AKR1D1: variants seen among roughly 807,000 people sequenced by gnomAD.
The protein encoded by AKR1D1 is aldo-keto reductase family 1 member D1.
In AKR1D1, 32 loss-of-function variants were observed where a neutral mutation model predicts 42.6. The ratio of observed to expected loss-of-function variants is 0.75; its 90% CI spans 0.57 to 1.01. AKR1D1 has a LOEUF of 1.01. AKR1D1 is among the 50% of genes least tolerant of loss of function. The pLI is 0.00. For missense variants in AKR1D1, 364 were observed against 402.2 expected (o/e 0.91, Z 0.81); for synonymous variants, 123 against 135.5 (o/e 0.91, Z 0.64).
intron 1 of AKR1D1, among the ~76,000 whole-genome samples, chr7:138,086,545 C>A (rs1369210775): frequency 1.3e-5 from 2 of 152,198 alleles, no homozygotes; most frequent in Non-Finnish European, 2.9e-5. Flanking sequence ...CTTATCTTCT[C>A]TATAGTGATG....
At chr7:138,087,225 C>T (rs917863087) in intron 1 of AKR1D1, among the ~76,000 whole-genome samples, 2 of 152,186 alleles carry the variant, frequency 1.3e-5, no homozygotes, top group African/African-American at 2.4e-5. Context: ...CTATTACTCA[C>T]ATGACAGAAG....
chr7:138,104,371 G>A (rs1244479659), intron 4 of AKR1D1, among the ~76,000 whole-genome samples: 1 of 151,966 alleles, frequency 6.6e-6, no homozygotes, highest in Non-Finnish European at 1.5e-5. Flanking sequence ...AAAAATGGGA[G>A]AATGTATCTA....
chr7:138,100,096 A>G (rs1585733479), intron 4 of AKR1D1, among the ~76,000 whole-genome samples: 2 of 30,416 alleles, frequency 6.6e-5, no homozygotes, highest in Admixed American at 3.0e-4. Flanking sequence ...CTCAAAAAAA[A>G]AAAAAAAAAA....
intron 4 of AKR1D1, among the ~76,000 whole-genome samples, chr7:138,099,138 G>A (rs904129890): frequency 2.0e-5 from 3 of 152,128 alleles, no homozygotes; most frequent in Admixed American, 6.6e-5. Context: ...TTCGAGGGGC[G>A]AGGAGGAATG....
chr7:138,113,602 T>A, intron 7 of AKR1D1, 88 bp from the exon 8 acceptor site: 5 of 1,072,602 alleles, frequency 4.7e-6, no homozygotes, highest in Middle Eastern at 2.0e-4. Context: ...GAGATATTCA[T>A]ACATCTTTGG....
chr7:138,082,276 C>T (rs541153779), intron 1 of AKR1D1, among the ~76,000 whole-genome samples: 1 of 152,192 alleles, frequency 6.6e-6, no homozygotes, highest in Non-Finnish European at 1.5e-5. Flanking sequence ...GTGTTTGGTT[C>T]TTTCCTAAAT....
In AKR1D1 at chr7:138,094,615, A is replaced by T. The variant is rs149549661; in HGVS notation, c.378+2731A>T. On this transcript the variant is annotated intron_variant, in intron 3 of 8. Coordinates refer to ENST00000242375, the MANE Select transcript of AKR1D1 (RefSeq NM_005989.4). ...ACTGTAGCCTTGAGATCCTAGGCTC[A>T]AGCAATCCTCCTGCCTCAGCCTCCC... Among the ~76,000 whole-genome samples the T allele has an allele frequency of 2.8e-3, 424 of 152,258 alleles. 2 individuals are homozygous for T. Among genetic ancestry groups the T allele is most frequent in the African/African-American group, 9.8e-3 (406 of 41,552 alleles).
Position 138,106,616 on chromosome 7 carries a change from C to T in AKR1D1, c.588C>T (p.Cys196=). Reference sequence around the variant, plus strand: ...CCAATGCAACCACATAGGTTGAGTGCCATCCGTATTTCACCCAGCCAAAAC... The same window carrying T: ...CCAATGCAACCACATAGGTTGAGTGTCATCCGTATTTCACCCAGCCAAAAC... ...KHKPVSNQVE[C]HPYFTQPKLL... Residue 196 remains cysteine (C), a synonymous_variant, in exon 6 of 9, where the codon TGC becomes TGT. Coordinates refer to ENST00000242375, the MANE Select transcript of AKR1D1 (RefSeq NM_005989.4). The T allele has an allele frequency of 1.9e-6, 3 of 1,613,882 alleles. No individual in the cohort carries two copies. Among genetic ancestry groups the T allele is most frequent in the East Asian group, 2.2e-5 (1 of 44,880 alleles).
At chr7:138,100,699 CTTT>C (rs749956421) in intron 4 of AKR1D1, among the ~76,000 whole-genome samples, 74 of 88,398 alleles carry the variant, frequency 8.4e-4, no homozygotes, top group African/African-American at 3.3e-3. Flanking sequence ...GTCAGAGATT[CTTT>C]TTTTTTTTTT....
chr7:138,113,389 C>T (rs999829048), intron 7 of AKR1D1, among the ~76,000 whole-genome samples: 1 of 151,898 alleles, frequency 6.6e-6, no homozygotes, highest in Admixed American at 6.6e-5. Context: ...ATCAAAAGAC[C>T]AGCATTTCAT....
chr7:138,097,759 G>C, intron 3 of AKR1D1, 107 bp from the exon 4 acceptor site: 1 of 937,786 alleles, frequency 1.1e-6, no homozygotes, highest in Non-Finnish European at 1.6e-6. Flanking sequence ...AGAAACAATA[G>C]ACATTGATTG....
rs141795392 is a variant in AKR1D1 at position 138,091,614 on chromosome 7, G to C, written c.262-154G>C. 6.2e-3 allele frequency among the ~76,000 whole-genome samples: 932 copies of C among 151,500 alleles called. 9 individuals are homozygous for C. Among genetic ancestry groups the C allele is most frequent in the Middle Eastern group, 0.017 (5 of 294 alleles). ...GGAGGCTGAAGTGGGCAGATCGCTT[G>C]AGCCCAGGAGTTAAAGACCAGCCTG... On this transcript the variant is annotated intron_variant, in intron 2 of 8. Transcript: ENST00000242375.
At chr7:138,100,545 A>T (rs1332967378) in intron 4 of AKR1D1, among the ~76,000 whole-genome samples, 1 of 152,084 alleles carries the variant, frequency 6.6e-6, no homozygotes, top group Non-Finnish European at 1.5e-5. Context: ...CAGAGCAATG[A>T]GTATTACATG....
At chr7:138,077,791 T>C (rs1585716340) in intron 1 of AKR1D1, among the ~76,000 whole-genome samples, 1 of 152,318 alleles carries the variant, frequency 6.6e-6, no homozygotes, top group East Asian at 1.9e-4. Flanking sequence ...ATTTTGGCAA[T>C]ACGAAGTATA....
Position 138,116,824 on chromosome 7 carries a change from T to A in AKR1D1, c.*162T>A. On this transcript the variant is annotated 3_prime_UTR_variant, in exon 9 of 9. Transcript: ENST00000242375. ...TTTGTGCAGTGTAAATGACTTTGAC[T>A]CAGTCACATTGAAGTAAAAATATTA... The A allele has an allele frequency of 1.6e-6, 1 of 606,630 alleles. No individual in the cohort carries two copies. Among genetic ancestry groups the A allele is most frequent in the Non-Finnish European group, 2.8e-6 (1 of 354,988 alleles). The allele number at this position is 606,630 out of a possible 1,614,324, so 37.6% of individuals were successfully genotyped here. A position where few individuals can be genotyped will look rare whatever the true frequency, so the allele number is the denominator to read the frequency against.
At chr7:138,088,091 A>G (rs4732288) in intron 1 of AKR1D1, among the ~76,000 whole-genome samples, 86,045 of 151,684 alleles carry the variant, frequency 0.57, 24,618 homozygotes, top group Middle Eastern at 0.61. Flanking sequence ...GGGTCTCCCT[A>G]TGTTGCCCAG....
chr7:138,111,420 G>A (rs981029493), intron 7 of AKR1D1, among the ~76,000 whole-genome samples: 3 of 152,134 alleles, frequency 2.0e-5, no homozygotes, highest in African/African-American at 7.2e-5. Flanking sequence ...AACAGCCCTT[G>A]TCAAAGTTAC....
intron 1 of AKR1D1, among the ~76,000 whole-genome samples, chr7:138,080,624 A>G (rs1284174022): frequency 6.6e-6 from 1 of 152,180 alleles, no homozygotes; most frequent in Non-Finnish European, 1.5e-5. Flanking sequence ...AGCATCCTGT[A>G]TGTTGCCTGA....
chr7:138,108,922 A>G (rs547641485), intron 7 of AKR1D1, among the ~76,000 whole-genome samples: 34 of 152,374 alleles, frequency 2.2e-4, no homozygotes, highest in Non-Finnish European at 4.9e-4. Flanking sequence ...ATAAAAACAT[A>G]CAATGTTATC....
Sources: gnomAD v4.1 joint callset for allele counts (sites outside exome capture counted in the v4.1 genomes callset) on GRCh38, gnomAD v4.1.1 for gene constraint, MANE v1.5 for transcripts, NCBI Gene and HGNC (gene_info 2026-07-23, HGNC 2026-07-21) for gene names.